ARHGAP10: variants seen among roughly 807,000 people sequenced by gnomAD.
The protein encoded by ARHGAP10 is rho GTPase-activating protein 10.
A neutral mutation model predicts 108.6 loss-of-function variants in ARHGAP10; 87 were observed. The ratio of observed to expected loss-of-function variants is 0.80; its 90% CI spans 0.67 to 0.96. The LOEUF is 0.96. ARHGAP10 is among the 40% of genes least tolerant of loss of function. The probability of loss-of-function intolerance (pLI) is 0.00; values close to 1 mark genes in which losing one functional copy is unlikely to be tolerated. For synonymous variants in ARHGAP10, 347 were observed against 341.1 expected (o/e 1.02, Z -0.19); for missense variants, 939 against 954.5 (o/e 0.98, Z 0.21).
chr4:147,922,941 G>A (rs1298929731), intron 13 of ARHGAP10, among the ~76,000 whole-genome samples: 2 of 152,140 alleles, frequency 1.3e-5, no homozygotes, highest in Non-Finnish European at 2.9e-5. Context: ...CAGAGAAAAT[G>A]TCTTATTTAT....
At chr4:147,967,513 T>C (rs28725304) in intron 18 of ARHGAP10, among the ~76,000 whole-genome samples, 36,421 of 152,150 alleles carry the variant, frequency 0.24, 7,268 homozygotes, top group African/African-American at 0.55. Context: ...AGGTGATCCA[T>C]GTTGGGGTGA....
intron 4 of ARHGAP10, among the ~76,000 whole-genome samples, chr4:147,849,076 G>T (rs1345340072): frequency 6.6e-6 from 1 of 152,138 alleles, no homozygotes; most frequent in African/African-American, 2.4e-5. Context: ...CCTGTGAAGA[G>T]CCCGTCATTG....
intron 16 of ARHGAP10, among the ~76,000 whole-genome samples, chr4:147,963,207 T>C (rs1038908386): frequency 3.9e-5 from 6 of 152,176 alleles, no homozygotes; most frequent in Non-Finnish European, 8.8e-5. Context: ...ATCTATACCC[T>C]CGAAGAGCTG....
intron 9 of ARHGAP10, among the ~76,000 whole-genome samples, chr4:147,881,404 G>A (rs1356467198): frequency 1.3e-5 from 2 of 152,172 alleles, no homozygotes; most frequent in African/African-American, 4.8e-5. Context: ...TTGGGAGGCT[G>A]AGGCGGGTGG....
At chr4:147,750,354 A>G (rs967049241) in intron 1 of ARHGAP10, among the ~76,000 whole-genome samples, 1 of 152,204 alleles carries the variant, frequency 6.6e-6, no homozygotes, top group Non-Finnish European at 1.5e-5. Flanking sequence ...TAATGAATGC[A>G]TACCAAAAGT....
intron 19 of ARHGAP10, among the ~76,000 whole-genome samples, chr4:148,043,236 C>G (rs1476243165): frequency 6.6e-6 from 1 of 152,112 alleles, no homozygotes; most frequent in Non-Finnish European, 1.5e-5. Context: ...GTCATTTTCT[C>G]TTCTAATCGG....
rs528192621 is a variant in ARHGAP10, at chr4:148,007,605, C to T, written c.1717-15658C>T. Among the ~76,000 whole-genome samples the T allele has an allele frequency of 2.0e-5, 3 of 152,328 alleles. No homozygotes were observed. The East Asian group carries it at 5.8e-4, about 29-fold the overall frequency. On this transcript the variant is annotated intron_variant, in intron 18 of 22. Transcript: ENST00000336498. ...TCTTTGGAAAGCTCCCAGTCTTAAC[C>T]TTGTAAAACTTTGCTGACACAGAAC...
intron 18 of ARHGAP10, among the ~76,000 whole-genome samples, chr4:147,998,390 T>C (rs1301886737): frequency 6.6e-5 from 10 of 152,240 alleles, no homozygotes; most frequent in African/African-American, 2.4e-4. Flanking sequence ...GAGTCAGATA[T>C]TTTCACTGCT....
intron 1 of ARHGAP10, among the ~76,000 whole-genome samples, chr4:147,736,290 C>T (rs912950514): frequency 2.6e-5 from 4 of 152,146 alleles, no homozygotes; most frequent in African/African-American, 9.7e-5. Context: ...CTAGCCTTGG[C>T]ATTTTAATGG....
rs1331430215 is a variant in ARHGAP10, at chr4:148,037,248, T to C, written c.1868-9644T>C. ...CTCCTTTCCTCAGAATTGGAAGTCT[T>C]GAATGTTCCACTGTCCATGACAAAC... On this transcript the variant is annotated intron_variant, in intron 19 of 22. Transcript: ENST00000336498. Among the ~76,000 whole-genome samples, 3 of 152,196 alleles carry C rather than the reference T, an allele frequency of 2.0e-5. No individual in the cohort carries two copies. In the East Asian group the frequency reaches 5.8e-4, roughly 29 times the overall value.
chr4:147,751,200 AAAC>A (rs1729131423), intron 1 of ARHGAP10, among the ~76,000 whole-genome samples: 1 of 151,946 alleles, frequency 6.6e-6, no homozygotes, highest in Non-Finnish European at 1.5e-5. Flanking sequence ...CAAAAAAAAC[AAAC>A]AATGAGTAGA....
chr4:147,940,303 G>A (rs1467295592), intron 14 of ARHGAP10, among the ~76,000 whole-genome samples: 2 of 152,134 alleles, frequency 1.3e-5, no homozygotes, highest in Admixed American at 6.5e-5. Flanking sequence ...GACAGCAAGG[G>A]TCTGATTCTC....
At chr4:147,823,002 G>T in intron 3 of ARHGAP10, 45 bp downstream of exon 3, 1 of 1,556,458 alleles carries the variant, frequency 6.4e-7, no homozygotes, top group Admixed American at 1.7e-5. Flanking sequence ...TTTCAAGGGG[G>T]AAAAAAATCT....
chr4:147,995,743 G>A (rs536570268), intron 18 of ARHGAP10, among the ~76,000 whole-genome samples: 24 of 151,998 alleles, frequency 1.6e-4, no homozygotes, highest in Admixed American at 2.6e-4. Flanking sequence ...TCATGACGGA[G>A]TCTTGCTCTG....
intron 18 of ARHGAP10, among the ~76,000 whole-genome samples, chr4:148,017,026 A>G (rs1335787004): frequency 1.3e-5 from 2 of 151,246 alleles, no homozygotes; most frequent in African/African-American, 4.9e-5. Context: ...GTGGTGGTAC[A>G]TGCCTGTAAT....
intron 16 of ARHGAP10, among the ~76,000 whole-genome samples, chr4:147,961,978 G>C (rs1332106010): frequency 6.6e-6 from 1 of 152,176 alleles, no homozygotes; most frequent in East Asian, 1.9e-4. Flanking sequence ...AGTGCCCTCA[G>C]TTAGCTTTCT....
intron 5 of ARHGAP10, chr4:147,861,973 G>A (rs1331837727): frequency 6.6e-6 from 1 of 152,248 alleles, no homozygotes; most frequent in Non-Finnish European, 1.5e-5. Context: ...TCCCTGGCTT[G>A]AAGCTGGGGT....
chr4:148,031,987 C>T (rs1246205488), intron 19 of ARHGAP10, among the ~76,000 whole-genome samples: 1 of 152,126 alleles, frequency 6.6e-6, no homozygotes, highest in African/African-American at 2.4e-5. Context: ...GAGGATATCT[C>T]AGGTACCTTA....
chr4:147,758,972 CAAAAAA>C (rs748165721), intron 1 of ARHGAP10, among the ~76,000 whole-genome samples: 1 of 56,210 alleles, frequency 1.8e-5, no homozygotes, highest in African/African-American at 6.8e-5. Flanking sequence ...GACTCTGTCT[CAAAAAA>C]AAAAAAAAAA....
Sources: gnomAD v4.1 joint callset for allele counts (sites outside exome capture counted in the v4.1 genomes callset) on GRCh38, gnomAD v4.1.1 for gene constraint, MANE v1.5 for transcripts, NCBI Gene and HGNC (gene_info 2026-07-23, HGNC 2026-07-21) for gene names.